The following NMBR variants were observed in gnomAD, a reference collection of about 807,000 sequenced individuals.
The protein encoded by NMBR is neuromedin B receptor, also known as neuromedin-B receptor.
NMBR carries 16 observed loss-of-function variants against 20.5 expected under a neutral mutation model. That is an observed-to-expected ratio of 0.78 (90% CI 0.53 to 1.19). The LOEUF is 1.19. Ranked by LOEUF, NMBR falls within the 50% of genes most tolerant of loss-of-function variation. The pLI is 0.00. For synonymous variants in NMBR, 212 were observed against 196.6 expected (o/e 1.08, Z -0.65); for missense variants, 582 against 499.1 (o/e 1.17, Z -1.58).
At chr6:142,118,967 G>A (rs939322062) in intron 1 of NMBR, among the ~76,000 whole-genome samples, 1 of 152,016 alleles carries the variant, frequency 6.6e-6, no homozygotes, top group Non-Finnish European at 1.5e-5. Context: ...GGAGTTGCCT[G>A]CGTAAAGAAA....
intron 1 of NMBR, among the ~76,000 whole-genome samples, chr6:142,123,254 T>G (rs1777975413): frequency 6.6e-6 from 1 of 151,828 alleles, no homozygotes; most frequent in Non-Finnish European, 1.5e-5. Context: ...GCAAGAGGAT[T>G]AGAATTAGAA....
In NMBR at chr6:142,075,638, A is replaced by C; in HGVS notation, c.*10T>G. 2 of 1,594,456 alleles carry C rather than the reference A, an allele frequency of 1.3e-6. No individual in the cohort carries two copies. Among genetic ancestry groups the C allele is most frequent in the Admixed American group, 3.4e-5 (2 of 58,196 alleles). On this transcript the variant is annotated 3_prime_UTR_variant, in exon 4 of 4. Coordinates refer to ENST00000258042, the MANE Select transcript of NMBR (RefSeq NM_002511.4). Reference sequence around the variant, plus strand: ...AAGTTCTCTCCAGGTAGTGAGTTGAATGGCCAAAATCACAGTGCCATTTCC... The same window carrying C: ...AAGTTCTCTCCAGGTAGTGAGTTGACTGGCCAAAATCACAGTGCCATTTCC...
intron 1 of NMBR, among the ~76,000 whole-genome samples, chr6:142,136,506 C>G (rs1582864983): frequency 6.6e-6 from 1 of 152,186 alleles, no homozygotes; most frequent in Middle Eastern, 3.4e-3. Flanking sequence ...TTAATTAGAT[C>G]CCATTTGTCA....
chr6:142,078,552 T>C lies in NMBR; in HGVS notation c.771+3A>G, dbSNP rs777088545. 6.4e-7 allele frequency: 1 copy of C among 1,553,994 alleles called. No individual in the cohort carries two copies. Among genetic ancestry groups the C allele is most frequent in the African/African-American group, 1.4e-5 (1 of 73,642 alleles). On this transcript the variant is annotated splice_donor_region_variant and intron_variant, in intron 3 of 3. Transcript: ENST00000258042. Reference sequence around the variant, plus strand: ...ACCACCAACCCACGCCTACTAAGCTTACCTGTTTTTTGGTATGTTCATTGT... The same window carrying C: ...ACCACCAACCCACGCCTACTAAGCTCACCTGTTTTTTGGTATGTTCATTGT...
chr6:142,108,889 T>C (rs571511508), intron 1 of NMBR, among the ~76,000 whole-genome samples: 1 of 152,322 alleles, frequency 6.6e-6, no homozygotes, highest in East Asian at 1.9e-4. Context: ...TCCTTTCTCC[T>C]ATGAACCTGT....
In NMBR at chr6:142,075,830, A is replaced by C; in HGVS notation, c.991T>G (p.Phe331Val). ...AGTTGGCTGTTGAAATGCCTCCTGA[A>C]GCTTTCACTGAGTAGGTAAAGAGCA... The part of the protein sequence containing the change: ...PFALYLLSES[F>V]RRHFNSQLCC... The change falls in exon 4 of 4, where the codon TTC becomes GTC. Residue 331 changes from phenylalanine (F) to valine (V), a missense_variant. Coordinates refer to ENST00000258042, the MANE Select transcript of NMBR (RefSeq NM_002511.4). The C allele has an allele frequency of 1.2e-6, 2 of 1,614,096 alleles. No individual in the cohort carries two copies. Among genetic ancestry groups the C allele is most frequent in the Non-Finnish European group, 1.7e-6 (2 of 1,179,970 alleles).
At position 142,143,786 on chromosome 6, in the gene NMBR, G is replaced by GAA. The variant is rs34970004; in HGVS notation, c.-664+3256_-664+3257dup. Among the ~76,000 whole-genome samples the GAA allele has an allele frequency of 1.7e-3, 253 of 144,996 alleles. 1 individual carries two copies. The highest frequency in any genetic ancestry group is 0.011 in the East Asian group (57 of 5,032). ...CCAACACAATTTTGCAAAAGCAAAG[G>GAA]AAAAAAAAAAAACAGACAGAGGACT... is the stretch of plus-strand genomic sequence containing the variant. On this transcript the variant is annotated intron_variant, in intron 1 of 3. Coordinates refer to ENST00000258042, the MANE Select transcript of NMBR (RefSeq NM_002511.4).
At chr6:142,109,476 CTTTTTTTT>C (rs77684305) in intron 1 of NMBR, among the ~76,000 whole-genome samples, 1 of 108,294 alleles carries the variant, frequency 9.2e-6, no homozygotes. Flanking sequence ...TTGGGTATGT[CTTTTTTTT>C]TTTTTTTTTT....
intron 1 of NMBR, among the ~76,000 whole-genome samples, chr6:142,095,299 T>C (rs1167533340): frequency 2.0e-5 from 3 of 152,192 alleles, no homozygotes; most frequent in Admixed American, 6.5e-5. Flanking sequence ...TTGTCATAGA[T>C]AGCTCTGATT....
At chr6:142,076,585 C>T (rs1032159477) in intron 3 of NMBR, among the ~76,000 whole-genome samples, 1 of 152,156 alleles carries the variant, frequency 6.6e-6, no homozygotes, top group African/African-American at 2.4e-5. Context: ...ACCGTGAATC[C>T]TGTAAACATT....
intron 1 of NMBR, among the ~76,000 whole-genome samples, chr6:142,093,300 C>G (rs1777371697): frequency 1.0e-5 from 1 of 99,302 alleles, no homozygotes; most frequent in African/African-American, 3.9e-5. Context: ...TATCCCTCCC[C>G]CCTCCCCCCA....
At chr6:142,116,031 T>A (rs2114593747) in intron 1 of NMBR, among the ~76,000 whole-genome samples, 1 of 152,022 alleles carries the variant, frequency 6.6e-6, no homozygotes, top group East Asian at 1.9e-4. Context: ...CTGATGGTTT[T>A]AAAAATGGGA....
chr6:142,117,981 T>C (rs969040589), intron 1 of NMBR, among the ~76,000 whole-genome samples: 1 of 151,954 alleles, frequency 6.6e-6, no homozygotes, highest in Non-Finnish European at 1.5e-5. Flanking sequence ...GGTGTAGTAT[T>C]AAACCTGGGC....
intron 2 of NMBR, among the ~76,000 whole-genome samples, chr6:142,079,773 C>G (rs1284944909): frequency 1.3e-5 from 2 of 152,082 alleles, no homozygotes; most frequent in African/African-American, 4.8e-5. Flanking sequence ...GTCTTTATAG[C>G]TCAAATTTAT....
intron 1 of NMBR, among the ~76,000 whole-genome samples, chr6:142,110,834 G>GA: frequency 1.3e-5 from 2 of 152,300 alleles, no homozygotes; most frequent in South Asian, 4.1e-4. Flanking sequence ...TTCGTTTATA[G>GA]AAAATCTATG....
intron 1 of NMBR, among the ~76,000 whole-genome samples, chr6:142,136,278 G>A (rs1317204917): frequency 6.6e-6 from 1 of 152,154 alleles, no homozygotes; most frequent in Non-Finnish European, 1.5e-5. Flanking sequence ...GTGTCTTTTG[G>A]CTGCATAAAT....
intron 1 of NMBR, among the ~76,000 whole-genome samples, chr6:142,111,340 A>T (rs1777760218): frequency 6.6e-6 from 1 of 152,150 alleles, no homozygotes; most frequent in Non-Finnish European, 1.5e-5. Context: ...GTTACCTAAG[A>T]AGAGGTCATT....
At chr6:142,079,989 TA>T (rs1162401924) in intron 2 of NMBR, among the ~76,000 whole-genome samples, 1 of 152,230 alleles carries the variant, frequency 6.6e-6, no homozygotes, top group Non-Finnish European at 1.5e-5. Context: ...TCAAATTTTT[TA>T]TATTTCTCTT....
chr6:142,119,342 C>A (rs1345144443), intron 1 of NMBR, among the ~76,000 whole-genome samples: 1 of 151,856 alleles, frequency 6.6e-6, no homozygotes, highest in Admixed American at 6.6e-5. Flanking sequence ...TAAATAGGAC[C>A]ATATCATTAG....
Sources: gnomAD v4.1 joint callset for allele counts (sites outside exome capture counted in the v4.1 genomes callset) on GRCh38, gnomAD v4.1.1 for gene constraint, MANE v1.5 for transcripts, NCBI Gene and HGNC (gene_info 2026-07-23, HGNC 2026-07-21) for gene names.